Variants in ZNF217 observed in about 807,000 individuals in gnomAD.
ZNF217 encodes zinc finger protein 217.
ZNF217 carries 12 observed loss-of-function variants against 73.3 expected under a neutral mutation model. The observed-to-expected ratio is 0.16, with a 90% CI of 0.10 to 0.27. The LOEUF is 0.27. ZNF217 is among the 10% of genes least tolerant of loss of function. The pLI is 1.00. For synonymous variants in ZNF217, 588 were observed against 516.4 expected, an observed-to-expected ratio of 1.14 and a Z score of -1.88; for missense variants, 1,195 against 1,327.8, an observed-to-expected ratio of 0.90 and a Z score of 1.55.
rs186493021 is a variant in ZNF217, at chr20:53,571,921, A to G, written c.3038-68T>C. 1.9e-4 allele frequency: 285 copies of G among 1,486,192 alleles called. 1 individual carries two copies. In the African/African-American group the frequency reaches 3.9e-3, roughly 20 times the overall value. The allele number at this position is 1,486,192 out of a possible 1,614,324, so 92.1% of individuals were successfully genotyped here. On this transcript the variant is annotated intron_variant, in intron 4 of 5. Coordinates refer to ENST00000371471, the MANE Select transcript of ZNF217 (RefSeq NM_006526.3). ...TTAGGTAAGATGTGTATAGGTTTTT[A>G]GAAGTCAATTTTCAAAATTTCTGAC...
intron 4 of ZNF217, among the ~76,000 whole-genome samples, chr20:53,572,446 C>T (rs1373244945): frequency 2.0e-5 from 3 of 151,900 alleles, no homozygotes; most frequent in African/African-American, 7.3e-5. Context: ...GAGGATCTGA[C>T]TTGCAACACA....
intron 4 of ZNF217, chr20:53,574,687 C>A (rs1988168752): frequency 6.6e-6 from 1 of 151,092 alleles, no homozygotes; most frequent in Admixed American, 6.6e-5. Context: ...CCCAGCTACT[C>A]AGGAGGCTGA....
In ZNF217 at chr20:53,591,702, T is replaced by C. The variant is rs528418396; in HGVS notation, c.-343+2054A>G. ...TTAAAAGTTCTTAGCACACATTAAG[T>C]AAGCACAAACTAGTGGCTTGCCTGT... is the stretch of plus-strand genomic sequence containing the variant. On this transcript the variant is annotated intron_variant, in intron 1 of 5. Transcript: ENST00000371471. Among the ~76,000 whole-genome samples the C allele has an allele frequency of 3.9e-5, 6 of 152,340 alleles. No individual in the cohort carries two copies. The East Asian group carries it at 5.8e-4, about 15-fold the overall frequency.
chr20:53,581,575 C>G lies in ZNF217; in HGVS notation c.1252G>C (p.Gly418Arg). Residue 418 changes from glycine (G) to arginine (R), a missense_variant, in exon 2 of 6, where the codon GGG (glycine) becomes CGG (arginine). Gly to Arg is a moderately radical substitution (Grantham distance 125). Around this residue, in one of 9 missense-constraint regions of ZNF217, gnomAD observed 116 missense variants for 121.9 expected, o/e 0.95. Transcript: ENST00000371471. This position sits in a 1 kb window ranked among gnomAD's most constrained non-coding sequence, Gnocchi z 4.9. ...GCGGCGAGGTCAGGAGAACACGTCC[C>G]CGGCTGCCTCCCGTCCACAGACATG... The part of the protein sequence containing the change: ...PTMSVDGRQP[G>R]TCSPDLAAPL... 6.2e-7 allele frequency: 1 copy of G among 1,614,248 alleles called. No homozygotes were observed. Among genetic ancestry groups the G allele is most frequent in the Non-Finnish European group, 8.5e-7 (1 of 1,180,044 alleles).
upstream of ZNF217, among the ~76,000 whole-genome samples, chr20:53,597,083 C>CAAAAAAAAAAAAA: frequency 8.3e-6 from 1 of 120,786 alleles, no homozygotes; most frequent in Non-Finnish European, 1.7e-5. Context: ...AGTAACATAA[C>CAAAAAAAAAAAAA]AAAAAAAAAA....
At chr20:53,578,776 T>TTCCG (rs1988379463) in intron 2 of ZNF217, among the ~76,000 whole-genome samples, 2 of 152,238 alleles carry the variant, frequency 1.3e-5, no homozygotes, top group Non-Finnish European at 2.9e-5. Flanking sequence ...CGGTTCTCAG[T>TTCCG]GTCTCTGAGC....
At position 53,582,904 on chromosome 20, in the gene ZNF217, C is replaced by G. The variant is rs1386747223; in HGVS notation, c.-78G>C. 3 of 1,463,420 alleles carry G rather than the reference C, an allele frequency of 2.0e-6. No individual in the cohort carries two copies. The highest frequency in any genetic ancestry group is 4.6e-5 in the East Asian group (2 of 43,862). The allele number at this position is 1,463,420 out of a possible 1,614,324, so 90.7% of individuals were successfully genotyped here. A position where few individuals can be genotyped will look rare whatever the true frequency, so the allele number is the denominator to read the frequency against. ...TAAGACTTGTCACTCACCCCTCTAA[C>G]AGCCCTGGGTTCCAAAAACCAGAGC... On this transcript the variant is annotated 5_prime_UTR_variant, in exon 2 of 6. Coordinates refer to ENST00000371471, the MANE Select transcript of ZNF217 (RefSeq NM_006526.3). The surrounding 1 kb of genome is among the most constrained non-coding windows in gnomAD (Gnocchi z 4.8).
intron 2 of ZNF217, 36 bp from the exon 3 acceptor site, chr20:53,578,486 T>C (rs1466359044): frequency 7.5e-7 from 1 of 1,328,700 alleles, no homozygotes; most frequent in Middle Eastern, 2.6e-4. Context: ...TATAAGAAGG[T>C]AGCTGAAGTA....
At chr20:53,585,157 G>GT (rs1250665390) in intron 1 of ZNF217, among the ~76,000 whole-genome samples, 1 of 140,058 alleles carries the variant, frequency 7.1e-6, no homozygotes, top group East Asian at 2.2e-4. Context: ...CATTATTACT[G>GT]TATTTTAGAA....
intron 1 of ZNF217, among the ~76,000 whole-genome samples, chr20:53,583,414 C>T (rs1251690615): frequency 1.3e-5 from 2 of 152,188 alleles, no homozygotes; most frequent in Non-Finnish European, 2.9e-5. Context: ...CAGTGCTTTA[C>T]CGACTTAAAT....
rs1322642182 is a variant in ZNF217 at position 53,582,063 on chromosome 20, T to C, written c.764A>G (p.Gln255Arg). 3.1e-6 allele frequency: 5 copies of C among 1,614,094 alleles called. No homozygotes were observed. The highest frequency in any genetic ancestry group is 3.3e-5 in the Admixed American group (2 of 60,010). The change falls in exon 2 of 6, where the codon CAA becomes CGA. Residue 255 changes from glutamine to arginine, a missense_variant. Physicochemically the swap from Gln to Arg is conservative, Grantham distance 43 (BLOSUM62 1). Coordinates refer to ENST00000371471, the MANE Select transcript of ZNF217 (RefSeq NM_006526.3). The surrounding 1 kb of genome is among the most constrained non-coding windows in gnomAD (Gnocchi z 4.8). ...CTCCCTCGAGGACGGCATTCCTCCT[T>C]GTGGAGAGTCTGTCTGCGCGCTGCT... is the stretch of plus-strand genomic sequence containing the variant. ...GTSSAQTDSP[Q>R]GGMPSSREDF... is the part of the protein sequence containing the mutation.
At chr20:53,597,605 G>GTATATA (rs11472905), upstream of ZNF217, 2 of 147,982 alleles carry the variant, frequency 1.4e-5, no homozygotes, top group East Asian at 3.9e-4. Context: ...TTATATATAT[G>GTATATA]TATATATATA....
intron 5 of ZNF217, 101 bp downstream of exon 5, chr20:53,571,620 T>C (rs1988009196): frequency 2.5e-5 from 34 of 1,384,478 alleles, no homozygotes; most frequent in Admixed American, 1.5e-4. Flanking sequence ...TTGGCCAAGC[T>C]GGTCTCAAAT....
chr20:53,593,579 A>G (rs1338910941), intron 1 of ZNF217, among the ~76,000 whole-genome samples, 177 bp downstream of exon 1: 2 of 151,280 alleles, frequency 1.3e-5, no homozygotes, highest in Non-Finnish European at 3.0e-5. Flanking sequence ...GAAGCGCAGG[A>G]GCCGGCTGGG....
chr20:53,588,594 CTATATATATATA>C (rs61379629), intron 1 of ZNF217, among the ~76,000 whole-genome samples: 18,742 of 148,176 alleles, frequency 0.13, 1,798 homozygotes, highest in East Asian at 0.28. Context: ...ACACATCTAT[CTATATATATATA>C]TATATATATA....
At chr20:53,585,266 A>C (rs976238434) in intron 1 of ZNF217, among the ~76,000 whole-genome samples, 11 of 152,188 alleles carry the variant, frequency 7.2e-5, no homozygotes, top group African/African-American at 2.4e-4. Flanking sequence ...CGGGATTAGA[A>C]ATATGATGTG....
rs1988895788 is a variant in ZNF217, at chr20:53,592,140, C to T, written c.-343+1616G>A. Among the ~76,000 whole-genome samples, 4 of 152,212 alleles carry T rather than the reference C, an allele frequency of 2.6e-5. No individual in the cohort carries two copies. In the South Asian group the frequency reaches 8.3e-4, roughly 31 times the overall value. ...GCTTCTTAAAACATACAGCTTAATGCTTCCAAACGATCTAGAAAACTGAAA... is the reference window on the plus strand; with the variant it reads ...GCTTCTTAAAACATACAGCTTAATGTTTCCAAACGATCTAGAAAACTGAAA... On this transcript the variant is annotated intron_variant, in intron 1 of 5. Coordinates refer to ENST00000371471, the MANE Select transcript of ZNF217 (RefSeq NM_006526.3).
At position 53,568,331 on chromosome 20, in the gene ZNF217, ATT is replaced by A. The variant is rs1987832399; in HGVS notation, c.*955_*956del. On this transcript the variant is annotated 3_prime_UTR_variant, in exon 6 of 6. Transcript: ENST00000371471. Reference sequence around the variant, plus strand: ...CTGCAATTCACAGATATAATTTAGCATTTTTGTTTTTATATACTAATTTAGGC... The same window carrying A: ...CTGCAATTCACAGATATAATTTAGCATTTGTTTTTATATACTAATTTAGGC... 1 of 152,044 alleles carries A rather than the reference ATT, an allele frequency of 6.6e-6. No homozygotes were observed. Among genetic ancestry groups the A allele is most frequent in the African/African-American group, 2.4e-5 (1 of 41,358 alleles). The allele number at this position is 152,044 out of a possible 1,614,324, so 9.4% of individuals were successfully genotyped here.
chr20:53,571,559 C>G (rs368627432), intron 5 of ZNF217, among the ~76,000 whole-genome samples, 162 bp downstream of exon 5: 70 of 152,052 alleles, frequency 4.6e-4, no homozygotes, highest in African/African-American at 1.6e-3. Flanking sequence ...CACCCGCCAC[C>G]ACGCCCAGCT....
Sources: gnomAD v4.1 joint callset for allele counts (sites outside exome capture counted in the v4.1 genomes callset) on GRCh38, gnomAD v4.1.1 for gene constraint, gnomAD v4.1.1 regional missense constraint, Gnocchi (gnomAD v3.1) non-coding constraint, MANE v1.5 for transcripts, NCBI Gene and HGNC (gene_info 2026-07-23, HGNC 2026-07-21) for gene names.